Variants in HERC3 observed in about 807,000 individuals in gnomAD.
HERC3 encodes the protein HECT and RLD domain containing E3 ubiquitin protein ligase 3.
Under a neutral mutation model 129.9 loss-of-function variants are expected in HERC3, and 58 were observed. That is an observed-to-expected ratio of 0.45 (90% CI 0.36 to 0.56). The LOEUF is 0.56. HERC3 is among the 20% of genes least tolerant of loss of function. HERC3 has a pLI of 0.00. For synonymous variants in HERC3, 430 were observed against 451.0 expected (o/e 0.95, Z 0.59); for missense variants, 835 against 1,244.2 (o/e 0.67, Z 4.95).
intron 21 of HERC3, chr4:88,684,706 T>C (rs755260816): frequency 5.9e-5 from 9 of 151,944 alleles, no homozygotes; most frequent in Non-Finnish European, 1.2e-4. Context: ...ATGGGGAAAA[T>C]TTTTGCAATC....
intron 3 of HERC3, among the ~76,000 whole-genome samples, chr4:88,637,695 A>G (rs890718274): frequency 1.3e-5 from 2 of 152,230 alleles, no homozygotes; most frequent in African/African-American, 4.8e-5. Context: ...GAACTAGAGA[A>G]GCAAGAGCAA....
rs916309405 is a variant in HERC3, at chr4:88,707,597, C to T, written c.*637C>T. On this transcript the variant is annotated 3_prime_UTR_variant, in exon 26 of 26. Coordinates refer to ENST00000402738, the MANE Select transcript of HERC3 (RefSeq NM_014606.3). ...AAACATATCTTGCTTTTAAAAAGTTCTTGAGGGAATAGCAACTTTCCCATG... is the reference window on the plus strand; with the variant it reads ...AAACATATCTTGCTTTTAAAAAGTTTTTGAGGGAATAGCAACTTTCCCATG... The T allele has an allele frequency of 6.6e-6, 1 of 152,238 alleles. No individual in the cohort carries two copies. Among genetic ancestry groups the T allele is most frequent in the Admixed American group, 6.5e-5 (1 of 15,284 alleles). The allele number at this position is 152,238 out of a possible 1,614,324, so 9.4% of individuals were successfully genotyped here.
In HERC3 at chr4:88,640,971, T is replaced by A. The variant is rs141662066; in HGVS notation, c.227-8869T>A. The stretch of plus-strand genomic sequence containing the variant: ...TCAAACGGACTAGATATGATTGATA[T>A]TTATCGAACATTCTATCCAACAGCA... On this transcript the variant is annotated intron_variant, in intron 3 of 25. Coordinates refer to ENST00000402738, the MANE Select transcript of HERC3 (RefSeq NM_014606.3). Among the ~76,000 whole-genome samples the A allele has an allele frequency of 9.5e-3, 1,442 of 152,346 alleles. 21 individuals carry two copies. Among genetic ancestry groups the A allele is most frequent in the African/African-American group, 0.032 (1,345 of 41,566 alleles).
chr4:88,598,324 C>T (rs1722616748), intron 2 of HERC3, among the ~76,000 whole-genome samples: 1 of 152,104 alleles, frequency 6.6e-6, no homozygotes, highest in African/African-American at 2.4e-5. Context: ...ATCTCCCCAC[C>T]GCCCTCCACC....
chr4:88,560,918 C>T, the HERC3 span, among the ~76,000 whole-genome samples: 1 of 152,086 alleles, frequency 6.6e-6, no homozygotes, highest in Non-Finnish European at 1.5e-5. Flanking sequence ...TATTTCTGGT[C>T]TCTCTAATCT....
intron 23 of HERC3, among the ~76,000 whole-genome samples, chr4:88,691,933 T>C (rs1734114858): frequency 6.6e-6 from 1 of 152,364 alleles, no homozygotes; most frequent in Admixed American, 6.5e-5. Flanking sequence ...CAGTAAGATA[T>C]TTGCTGGCAT....
At chr4:88,704,383 G>C in intron 24 of HERC3, 102 bp downstream of exon 24, 1 of 1,336,216 alleles carries the variant, frequency 7.5e-7, no homozygotes. Context: ...TACTGTGGTT[G>C]AGTTAGATTT....
At chr4:88,583,715 C>A in the HERC3 span, 2 of 152,174 alleles carry the variant, frequency 1.3e-5, no homozygotes, top group African/African-American at 4.8e-5. Context: ...ATTTGGCTAA[C>A]CTACATTTGC....
chr4:88,632,416 G>A (rs973626851), intron 3 of HERC3, among the ~76,000 whole-genome samples: 1 of 152,172 alleles, frequency 6.6e-6, no homozygotes, highest in Non-Finnish European at 1.5e-5. Context: ...GAAAAACCAG[G>A]AAAATTTCAA....
rs778135673 is a variant in HERC3, at chr4:88,670,197, A to G, written c.1856A>G (p.Asn619Ser). 6.2e-6 allele frequency: 10 copies of G among 1,613,740 alleles called. No homozygotes were observed. The highest frequency in any genetic ancestry group is 4.0e-5 in the African/African-American group (3 of 74,920). The part of the protein sequence containing the change: ...YDTFYIPEIS[N>S]LVDIQEDYLM... The stretch of plus-strand genomic sequence containing the variant: ...ACATTTTACATTCCTGAGATTTCCA[A>G]TCTCGTGGACATTCAGGAAGACTAC... Residue 619 changes from asparagine to serine, a missense_variant, in exon 16 of 26, where the codon AAT (asparagine) becomes AGT (serine). By Grantham distance (46) the Asn-to-Ser change is conservative (BLOSUM62 1). Coordinates refer to ENST00000402738, the MANE Select transcript of HERC3 (RefSeq NM_014606.3).
intron 2 of HERC3, among the ~76,000 whole-genome samples, chr4:88,605,100 G>A (rs1029828018): frequency 1.3e-5 from 2 of 152,122 alleles, no homozygotes; most frequent in African/African-American, 4.8e-5. Context: ...AATCTGTTTG[G>A]GGAGTTAAGT....
At chr4:88,686,661 A>T in intron 21 of HERC3, 75 bp from the exon 22 acceptor site, 1 of 921,730 alleles carries the variant, frequency 1.1e-6, no homozygotes, top group South Asian at 1.3e-5. Context: ...TGGTCTGGAC[A>T]TGTAACTGAA....
intron 23 of HERC3, among the ~76,000 whole-genome samples, chr4:88,691,367 T>TA (rs2149331668): frequency 6.6e-6 from 1 of 152,328 alleles, no homozygotes; most frequent in African/African-American, 2.4e-5. Context: ...TGGGCTGCTG[T>TA]AAAAAAGTAC....
chr4:88,676,223 T>C lies in HERC3; in HGVS notation c.1917T>C (p.Ala639=), dbSNP rs762991384. 4 of 1,570,050 alleles carry C rather than the reference T, an allele frequency of 2.5e-6. No homozygotes were observed. The East Asian group carries it at 9.0e-5, about 35-fold the overall frequency. The stretch of plus-strand genomic sequence containing the variant: ...TTTTATTTTTCTTTACACAGAAGGC[T>C]AGACCATCAATAATACAGGTAAATG... ...MWFLHQAGMK[A]RPSIIQDTVT... The change falls in exon 17 of 26, where the codon GCT becomes GCC. Residue 639 remains alanine (A), a synonymous_variant. Coordinates refer to ENST00000402738, the MANE Select transcript of HERC3 (RefSeq NM_014606.3).
At chr4:88,562,599 T>C in the HERC3 span, among the ~76,000 whole-genome samples, 1 of 152,222 alleles carries the variant, frequency 6.6e-6, no homozygotes, top group East Asian at 1.9e-4. Flanking sequence ...TGGAGAGTTT[T>C]CCCAATATTT....
At chr4:88,660,187 C>T (rs1192569288) in intron 10 of HERC3, among the ~76,000 whole-genome samples, 4 of 151,948 alleles carry the variant, frequency 2.6e-5, no homozygotes, top group Non-Finnish European at 5.9e-5. Context: ...GAAAAAGCAC[C>T]TGTATAGTTA....
chr4:88,593,690 C>T (rs1722009840), intron 1 of HERC3, among the ~76,000 whole-genome samples: 1 of 152,208 alleles, frequency 6.6e-6, no homozygotes, highest in Non-Finnish European at 1.5e-5. Context: ...TATGTGTCTT[C>T]TGGCTCTTTC....
the HERC3 span, among the ~76,000 whole-genome samples, chr4:88,576,639 C>CGT: frequency 6.6e-6 from 1 of 151,916 alleles, no homozygotes; most frequent in African/African-American, 2.4e-5. Flanking sequence ...TTAATGTGTG[C>CGT]GTGTGTGTGT....
chr4:88,654,830 T>C (rs966445458), intron 7 of HERC3, among the ~76,000 whole-genome samples: 3 of 152,176 alleles, frequency 2.0e-5, no homozygotes, highest in Admixed American at 6.5e-5. Context: ...ATTTCTTACA[T>C]GTGAATGATC....
Sources: gnomAD v4.1 joint callset for allele counts (sites outside exome capture counted in the v4.1 genomes callset) on GRCh38, gnomAD v4.1.1 for gene constraint, MANE v1.5 for transcripts, NCBI Gene and HGNC (gene_info 2026-07-23, HGNC 2026-07-21) for gene names.